RERE: variants seen among roughly 807,000 people sequenced by gnomAD.
RERE encodes arginine-glutamic acid dipeptide repeats.
In RERE, 40 loss-of-function variants were observed where a neutral mutation model predicts 146.1. That is an observed-to-expected ratio of 0.27 (90% CI 0.21 to 0.36). RERE has a LOEUF of 0.36. Ranked by LOEUF, RERE falls within the 10% of genes least tolerant of loss-of-function variation. The probability of loss-of-function intolerance (pLI) is 1.00; values close to 1 mark genes in which losing one functional copy is unlikely to be tolerated. For synonymous variants in RERE, 1,003 were observed against 866.0 expected, an observed-to-expected ratio of 1.16 and a Z score of -2.78; for missense variants, 1,933 against 2,138.7, an observed-to-expected ratio of 0.90 and a Z score of 1.90.
chr1:8,473,134 T>C (rs1644710414), intron 10 of RERE, among the ~76,000 whole-genome samples: 1 of 152,192 alleles, frequency 6.6e-6, no homozygotes, highest in Admixed American at 6.5e-5. Flanking sequence ...GTGTGCTCCA[T>C]GGAATCCTCT....
In RERE at chr1:8,385,189, T is replaced by C. The variant is rs148634114; in HGVS notation, c.1285-19215A>G. On this transcript the variant is annotated intron_variant, in intron 12 of 22. Transcript: ENST00000400908. ...TAATTGTATCTTAGAATTTAACATGTTCACTGTCTAAAATCAAAATGAGTT... is the reference window on the plus strand; with the variant it reads ...TAATTGTATCTTAGAATTTAACATGCTCACTGTCTAAAATCAAAATGAGTT... 5.4e-3 allele frequency among the ~76,000 whole-genome samples: 822 copies of C among 152,330 alleles called. 11 individuals are homozygous for C. Among genetic ancestry groups the C allele is most frequent in the Admixed American group, 2.8e-3 (43 of 15,300 alleles).
chr1:8,508,403 C>T (rs1282325938), intron 8 of RERE, among the ~76,000 whole-genome samples: 3 of 152,196 alleles, frequency 2.0e-5, no homozygotes, highest in East Asian at 3.9e-4. Context: ...ACGGTGATGG[C>T]TATACAACAA....
At chr1:8,677,085 C>T (rs1215793011) in intron 1 of RERE, among the ~76,000 whole-genome samples, 1 of 152,066 alleles carries the variant, frequency 6.6e-6, no homozygotes, top group East Asian at 1.9e-4. Flanking sequence ...GCCACTAGCC[C>T]AAGAGGGGTT....
intron 1 of RERE, among the ~76,000 whole-genome samples, chr1:8,771,135 A>G (rs545827705): frequency 2.8e-3 from 418 of 150,470 alleles, no homozygotes; most frequent in African/African-American, 9.1e-3. Context: ...CTGGGGGGGG[A>G]AAATGTAATG....
At chr1:8,446,840 AT>A (rs564326167) in intron 11 of RERE, among the ~76,000 whole-genome samples, 243 of 144,308 alleles carry the variant, frequency 1.7e-3, no homozygotes, top group African/African-American at 2.4e-3. Flanking sequence ...CACCGGGCTA[AT>A]TTTTTTTTTT....
chr1:8,742,866 T>TA (rs1191754742), intron 1 of RERE, among the ~76,000 whole-genome samples: 1,737 of 116,884 alleles, frequency 0.015, 21 homozygotes, highest in South Asian at 0.022. Context: ...AGATCCTGTC[T>TA]CAAAAAAAAA....
chr1:8,598,073 C>G (rs1646577014), intron 4 of RERE, among the ~76,000 whole-genome samples: 6 of 152,182 alleles, frequency 3.9e-5, no homozygotes. Context: ...ATTTTAACTA[C>G]TCCAGGCAGC....
chr1:8,374,898 G>A (rs1642180713), intron 12 of RERE, among the ~76,000 whole-genome samples: 1 of 152,130 alleles, frequency 6.6e-6, no homozygotes, highest in African/African-American at 2.4e-5. Context: ...CTCTGTCCAG[G>A]CCCTGTAGTC....
intron 8 of RERE, among the ~76,000 whole-genome samples, chr1:8,507,408 A>T (rs1172837758): frequency 6.6e-6 from 1 of 152,204 alleles, no homozygotes; most frequent in African/African-American, 2.4e-5. Flanking sequence ...CTGAAGGAAA[A>T]GAAGTTGTTT....
chr1:8,432,506 C>A (rs1413023615), intron 11 of RERE, among the ~76,000 whole-genome samples: 1 of 152,182 alleles, frequency 6.6e-6, no homozygotes, highest in Non-Finnish European at 1.5e-5. Flanking sequence ...TCAACTCTAT[C>A]CCTACACAGA....
chr1:8,650,088 A>C (rs1647538017), intron 2 of RERE, among the ~76,000 whole-genome samples: 1 of 152,142 alleles, frequency 6.6e-6, no homozygotes, highest in African/African-American at 2.4e-5. Context: ...AAGTAACAAA[A>C]TCTATTATGC....
intron 4 of RERE, among the ~76,000 whole-genome samples, chr1:8,561,095 G>A (rs900297732): frequency 1.3e-5 from 2 of 152,192 alleles, no homozygotes; most frequent in South Asian, 4.1e-4. Context: ...ATCTTATGGT[G>A]TAGGAATACC....
chr1:8,539,358 AAAAC>A (rs139417031), intron 7 of RERE, among the ~76,000 whole-genome samples: 11 of 152,238 alleles, frequency 7.2e-5, no homozygotes, highest in East Asian at 1.9e-4. Flanking sequence ...TACTTTTGAA[AAAAC>A]AAACAAACAA....
intron 1 of RERE, among the ~76,000 whole-genome samples, chr1:8,675,477 C>T (rs1214581191): frequency 7.9e-6 from 1 of 126,244 alleles, no homozygotes; most frequent in Non-Finnish European, 1.6e-5. Flanking sequence ...TGGGCAACGT[C>T]GCAAAACCCC....
At chr1:8,798,231 C>T (rs1182239638) in intron 1 of RERE, among the ~76,000 whole-genome samples, 1 of 151,980 alleles carries the variant, frequency 6.6e-6, no homozygotes, top group Non-Finnish European at 1.5e-5. Flanking sequence ...CCGGTCTCTA[C>T]TAAAAATAGA....
chr1:8,733,280 G>A (rs1310906739), intron 1 of RERE, among the ~76,000 whole-genome samples: 2 of 152,150 alleles, frequency 1.3e-5, no homozygotes, highest in Non-Finnish European at 2.9e-5. Context: ...CACAAGTGCT[G>A]CTGCTGGTTC....
chr1:8,498,732 T>TACACACATACAC (rs1645084140), intron 8 of RERE, among the ~76,000 whole-genome samples: 1 of 107,836 alleles, frequency 9.3e-6, no homozygotes, highest in South Asian at 3.2e-4. Context: ...AATAAATATA[T>TACACACATACAC]ACACACACAC....
At chr1:8,531,059 A>C (rs189202228) in intron 7 of RERE, among the ~76,000 whole-genome samples, 1 of 147,468 alleles carries the variant, frequency 6.8e-6, no homozygotes, top group African/African-American at 2.6e-5. Context: ...CTATCTATCT[A>C]TCTATCTATC....
chr1:8,632,082 T>C (rs1647042145), intron 2 of RERE, among the ~76,000 whole-genome samples: 1 of 152,208 alleles, frequency 6.6e-6, no homozygotes, highest in Non-Finnish European at 1.5e-5. Flanking sequence ...TGATTACTAA[T>C]GGAAATGCTG....
Sources: gnomAD v4.1 joint callset for allele counts (sites outside exome capture counted in the v4.1 genomes callset) on GRCh38, gnomAD v4.1.1 for gene constraint, MANE v1.5 for transcripts, NCBI Gene and HGNC (gene_info 2026-07-23, HGNC 2026-07-21) for gene names.